Variants in TUSC3 observed in about 807,000 individuals in gnomAD.
TUSC3 encodes the protein dolichyl-diphosphooligosaccharide--protein glycosyltransferase subunit TUSC3.
TUSC3 carries 45 observed loss-of-function variants against 44.8 expected under a neutral mutation model. The ratio of observed to expected loss-of-function variants is 1.00; its 90% CI spans 0.79 to 1.29. The LOEUF (loss-of-function observed/expected upper bound fraction) is 1.29. Among genes scored for constraint, TUSC3 ranks in the 50% most tolerant of loss-of-function variants. TUSC3 has a pLI of 0.00. For synonymous variants in TUSC3, 212 were observed against 152.9 expected (o/e 1.39, Z -2.85); for missense variants, 519 against 437.9 (o/e 1.19, Z -1.65).
the TUSC3 span, among the ~76,000 whole-genome samples, chr8:15,845,579 C>T: frequency 3.3e-5 from 5 of 152,126 alleles, no homozygotes; most frequent in African/African-American, 1.2e-4. Flanking sequence ...GTCACATTAT[C>T]TCAGGGCACA....
chr8:15,485,503 C>G (rs764209450), intron 2 of TUSC3, among the ~76,000 whole-genome samples: 1 of 143,926 alleles, frequency 6.9e-6, no homozygotes, highest in Non-Finnish European at 1.5e-5. Context: ...GTTCTTGTCA[C>G]CCAGGCTGGA....
intron 5 of TUSC3, among the ~76,000 whole-genome samples, chr8:15,665,996 C>T (rs1051941006): frequency 1.3e-5 from 2 of 151,326 alleles, no homozygotes; most frequent in African/African-American, 2.4e-5. Flanking sequence ...ACATTACTTG[C>T]TTTATGATGA....
chr8:15,535,907 G>C (rs143539507), upstream of TUSC3, among the ~76,000 whole-genome samples: 5 of 152,156 alleles, frequency 3.3e-5, no homozygotes, highest in African/African-American at 1.2e-4. Flanking sequence ...TGTCCAACTC[G>C]TGGCCTGCGG....
At position 15,503,025 on chromosome 8, in the gene TUSC3, C is replaced by T. The variant is rs183660744; in HGVS notation, n.189+19542C>T. On this transcript the variant is annotated intron_variant and non_coding_transcript_variant, in intron 2 of 5. Transcript: ENST00000503191. ...GAGAAATTTAAACCATTCTGAGACCCATCCTTGTGTGAAACCAGTTACGGG... is the reference window on the plus strand; with the variant it reads ...GAGAAATTTAAACCATTCTGAGACCTATCCTTGTGTGAAACCAGTTACGGG... Among the ~76,000 whole-genome samples, 72 of 152,258 alleles carry T rather than the reference C, an allele frequency of 4.7e-4. 2 individuals are homozygous for T. The highest frequency in any genetic ancestry group is 3.9e-3 in the Admixed American group (59 of 15,288).
At chr8:15,845,133 A>T in the TUSC3 span, among the ~76,000 whole-genome samples, 1 of 152,160 alleles carries the variant, frequency 6.6e-6, no homozygotes, top group African/African-American at 2.4e-5. Flanking sequence ...TAGAACAAGA[A>T]GAAACCTCAT....
At chr8:15,750,144 T>C (rs1418454303) in intron 9 of TUSC3, among the ~76,000 whole-genome samples, 1 of 151,756 alleles carries the variant, frequency 6.6e-6, no homozygotes, top group Non-Finnish European at 1.5e-5. Flanking sequence ...CATGCCTGGC[T>C]AATTTTTTGT....
the TUSC3 span, among the ~76,000 whole-genome samples, chr8:15,821,668 GC>G: frequency 6.6e-6 from 1 of 151,572 alleles, no homozygotes; most frequent in African/African-American, 2.4e-5. Flanking sequence ...AACCATAAAA[GC>G]AAACACCCTA....
chr8:15,570,265 TACACAC>T (rs3070896), intron 1 of TUSC3, among the ~76,000 whole-genome samples: 8,538 of 148,066 alleles, frequency 0.058, 376 homozygotes, highest in African/African-American at 0.12. Context: ...TAATGTATTT[TACACAC>T]ACACACACAC....
In TUSC3 at chr8:15,715,836, A is replaced by G. The variant is rs368042416; in HGVS notation, c.799-14830A>G. ...GGAACGATTCTCATTTGTTTTTCCT[A>G]AGGTTTTCCAAATAATATTTCCATG... On this transcript the variant is annotated intron_variant, in intron 6 of 10. Coordinates refer to ENST00000503731, the MANE Select transcript of TUSC3 (RefSeq NM_006765.4). Among the ~76,000 whole-genome samples the G allele has an allele frequency of 6.4e-4, 97 of 152,286 alleles. 1 individual carries two copies. The highest frequency in any genetic ancestry group is 2.3e-3 in the African/African-American group (95 of 41,564).
intron 1 of TUSC3, among the ~76,000 whole-genome samples, chr8:15,563,418 C>T (rs1443345134): frequency 1.3e-5 from 2 of 151,922 alleles, no homozygotes; most frequent in South Asian, 2.1e-4. Context: ...AAGGAAGATT[C>T]AAGAACAAGC....
At chr8:15,673,868 A>C in intron 6 of TUSC3, 32 bp downstream of exon 6, 3 of 1,551,774 alleles carry the variant, frequency 1.9e-6, no homozygotes, top group South Asian at 1.1e-5. Context: ...GAATATTCTG[A>C]AGTTTAATCC....
chr8:15,531,475 C>G (rs868083297), intron 2 of TUSC3, among the ~76,000 whole-genome samples: 1 of 152,220 alleles, frequency 6.6e-6, no homozygotes, highest in African/African-American at 2.4e-5. Flanking sequence ...TGGTCTCGAA[C>G]TCCTGACCTC....
intron 6 of TUSC3, among the ~76,000 whole-genome samples, chr8:15,689,821 G>GGTGTGTGTGTGTGT (rs71543657): frequency 6.1e-5 from 8 of 131,022 alleles, no homozygotes; most frequent in African/African-American, 2.1e-4. Flanking sequence ...AATAGTCCAT[G>GGTGTGTGTGTGTGT]GTGTGTGTGT....
At chr8:15,819,329 T>G in the TUSC3 span, among the ~76,000 whole-genome samples, 1 of 152,178 alleles carries the variant, frequency 6.6e-6, no homozygotes, top group Non-Finnish European at 1.5e-5. Context: ...ATTAAAATAC[T>G]AATGAAATAT....
intron 7 of TUSC3, among the ~76,000 whole-genome samples, chr8:15,736,200 G>A (rs1054534404): frequency 1.3e-5 from 2 of 152,104 alleles, no homozygotes; most frequent in African/African-American, 4.8e-5. Context: ...CTGATGGTGT[G>A]GCATTTACAG....
In TUSC3 at chr8:15,701,996, G is replaced by C. The variant is rs558477185; in HGVS notation, c.798+28160G>C. Among the ~76,000 whole-genome samples the C allele has an allele frequency of 4.6e-5, 7 of 152,252 alleles. No individual in the cohort carries two copies. The East Asian group carries it at 1.4e-3, about 29-fold the overall frequency. On this transcript the variant is annotated intron_variant, in intron 6 of 10. Transcript: ENST00000503731. ...GACACAGATGGTCTCAGTTCTCAGA[G>C]ATAAGAGGTTGTTGATGAATTTGAG...
At chr8:15,467,193 C>G (rs1414619686) in intron 1 of TUSC3, among the ~76,000 whole-genome samples, 1 of 148,624 alleles carries the variant, frequency 6.7e-6, no homozygotes, top group East Asian at 2.0e-4. Context: ...GGGTAGTCAA[C>G]AAGTACGTGC....
the TUSC3 span, among the ~76,000 whole-genome samples, chr8:15,784,177 T>C: frequency 6.6e-6 from 1 of 152,118 alleles, no homozygotes; most frequent in African/African-American, 2.4e-5. Flanking sequence ...TGCCTATGAT[T>C]TTTAAACAAT....
At chr8:15,612,426 T>C (rs951477401) in intron 1 of TUSC3, among the ~76,000 whole-genome samples, 1 of 152,196 alleles carries the variant, frequency 6.6e-6, no homozygotes, top group Non-Finnish European at 1.5e-5. Context: ...TGAACCATTG[T>C]ATTACGTATT....
Sources: gnomAD v4.1 joint callset for allele counts (sites outside exome capture counted in the v4.1 genomes callset) on GRCh38, gnomAD v4.1.1 for gene constraint, MANE v1.5 for transcripts, NCBI Gene and HGNC (gene_info 2026-07-23, HGNC 2026-07-21) for gene names.